Variants in YPEL5 observed in about 807,000 individuals in gnomAD.
YPEL5 encodes yippee like 5, also known as protein yippee-like 5.
Under a neutral mutation model 10.5 loss-of-function variants are expected in YPEL5, and 1 was observed. The observed-to-expected ratio is 0.10, with a 90% CI of 0.03 to 0.45. YPEL5 has a LOEUF of 0.45. YPEL5 is among the 20% of genes least tolerant of loss of function. The probability of loss-of-function intolerance (pLI) is 0.97; values close to 1 mark genes in which losing one functional copy is unlikely to be tolerated. For missense variants in YPEL5, 68 were observed against 159.3 expected, an observed-to-expected ratio of 0.43 and a Z score of 3.09; for synonymous variants, 61 against 56.6, an observed-to-expected ratio of 1.08 and a Z score of -0.35.
rs114869731 is a variant in YPEL5, at chr2:30,154,292, G to A, written c.-24-2336G>A. On this transcript the variant is annotated intron_variant, in intron 1 of 2. Transcript: ENST00000261353. ...GTTAATGATCAAGATTCAGAAACAT[G>A]ACCAAACTTAACTGCTCACAGGTTT... is the stretch of plus-strand genomic sequence containing the variant. Among the ~76,000 whole-genome samples the A allele has an allele frequency of 3.2e-3, 488 of 152,306 alleles. 5 individuals are homozygous for A. The highest frequency in any genetic ancestry group is 0.011 in the African/African-American group (463 of 41,576).
intron 1 of YPEL5, among the ~76,000 whole-genome samples, chr2:30,155,040 A>G (rs1675977610): frequency 6.6e-6 from 1 of 152,212 alleles, no homozygotes; most frequent in African/African-American, 2.4e-5. Context: ...CACCTGGCCA[A>G]GTGTTGTATT....
intron 1 of YPEL5, among the ~76,000 whole-genome samples, chr2:30,149,900 A>C (rs1016686293): frequency 2.6e-5 from 4 of 152,224 alleles, no homozygotes; most frequent in Admixed American, 2.6e-4. Flanking sequence ...TTACTAAGGA[A>C]AAGTTTATCT....
chr2:30,147,319 G>A (rs1675465341), intron 1 of YPEL5, among the ~76,000 whole-genome samples: 1 of 149,898 alleles, frequency 6.7e-6, no homozygotes, highest in South Asian at 2.1e-4. Context: ...GCCGCCGTCG[G>A]CCCGCCCCCG....
intron 1 of YPEL5, among the ~76,000 whole-genome samples, chr2:30,150,430 A>G (rs1675729881): frequency 6.6e-6 from 1 of 152,206 alleles, no homozygotes; most frequent in South Asian, 2.1e-4. Context: ...AGTGTTTCCA[A>G]AGCTATTAAG....
intron 1 of YPEL5, among the ~76,000 whole-genome samples, chr2:30,148,952 G>T (rs1252532646): frequency 1.3e-5 from 2 of 152,202 alleles, no homozygotes; most frequent in Non-Finnish European, 2.9e-5. Context: ...ATAATCCTGT[G>T]TAGTAATGTC....
chr2:30,154,188 T>C (rs973504823), intron 1 of YPEL5, among the ~76,000 whole-genome samples: 1 of 152,210 alleles, frequency 6.6e-6, no homozygotes, highest in Admixed American at 6.5e-5. Context: ...GCACAAATAC[T>C]AGTCTTCAAA....
chr2:30,155,832 C>G (rs1676015141), intron 1 of YPEL5: 1 of 152,198 alleles, frequency 6.6e-6, no homozygotes, highest in South Asian at 2.1e-4. Context: ...TTCCCTTATT[C>G]TGTTCTCATT....
chr2:30,150,177 T>C (rs893266920), intron 1 of YPEL5, among the ~76,000 whole-genome samples: 3 of 152,246 alleles, frequency 2.0e-5, no homozygotes, highest in Non-Finnish European at 4.4e-5. Context: ...TAGCAGGAAG[T>C]GAAGCCAGTT....
rs1008375401 is a variant in YPEL5, at chr2:30,160,162, T to C, written c.*1319T>C. ...AAAATTGGCTAATTATTTGAATGAA[T>C]GAATGGATGGATGTTTTGCATGCTC... On this transcript the variant is annotated 3_prime_UTR_variant, in exon 3 of 3. Coordinates refer to ENST00000261353, the MANE Select transcript of YPEL5 (RefSeq NM_016061.3). 4.6e-5 allele frequency: 7 copies of C among 152,650 alleles called. No homozygotes were observed. Among genetic ancestry groups the C allele is most frequent in the Non-Finnish European group, 8.8e-5 (6 of 68,030 alleles). 9.5% of individuals were successfully genotyped at this position (152,650 alleles called of 1,614,324 possible).
At position 30,147,052 on chromosome 2, in the gene YPEL5, C is replaced by A. The variant is rs972633279; in HGVS notation, c.-35C>A. On this transcript the variant is annotated 5_prime_UTR_variant, in exon 1 of 3. Transcript: ENST00000261353. ...AGCCGCTGGCAGCCGCGGATCTCACCGCCGCTCAGGGTGAGTCCCGCGGGA... is the reference window on the plus strand; with the variant it reads ...AGCCGCTGGCAGCCGCGGATCTCACAGCCGCTCAGGGTGAGTCCCGCGGGA... The A allele has an allele frequency of 8.5e-5, 13 of 152,450 alleles. No homozygotes were observed. The highest frequency in any genetic ancestry group is 7.2e-4 in the Admixed American group (11 of 15,290). The allele number at this position is 152,450 out of a possible 1,614,324, so 9.4% of individuals were successfully genotyped here. A position where few individuals can be genotyped will look rare whatever the true frequency, so the allele number is the denominator to read the frequency against.
intron 1 of YPEL5, among the ~76,000 whole-genome samples, chr2:30,152,885 C>CCT (rs1675868812): frequency 7.3e-6 from 1 of 136,954 alleles, no homozygotes; most frequent in African/African-American, 2.8e-5. Flanking sequence ...TAATGACTGT[C>CCT]CTTTGTTTTT....
At chr2:30,156,010 G>A (rs1274347276) in intron 1 of YPEL5, 1 of 152,286 alleles carries the variant, frequency 6.6e-6, no homozygotes. Context: ...TGAAGTGATG[G>A]TAACAACCTC....
At chr2:30,149,740 A>T (rs973941440) in intron 1 of YPEL5, among the ~76,000 whole-genome samples, 4 of 152,236 alleles carry the variant, frequency 2.6e-5, no homozygotes, top group African/African-American at 9.6e-5. Flanking sequence ...TCTGCGCTAG[A>T]TGCCTGCATA....
In YPEL5 at chr2:30,159,954, G is replaced by C. The variant is rs1223500220; in HGVS notation, c.*1111G>C. 6.6e-6 allele frequency: 1 copy of C among 152,546 alleles called. No homozygotes were observed. The highest frequency in any genetic ancestry group is 2.4e-5 in the African/African-American group (1 of 41,422). 9.4% of individuals were successfully genotyped at this position (152,546 alleles called of 1,614,324 possible). On this transcript the variant is annotated 3_prime_UTR_variant, in exon 3 of 3. Transcript: ENST00000261353. ...AGCATTTTTTTCAGCTCTTCTCTCA[G>C]AAGTTCAGCTGTTGAAACGAAAACT...
chr2:30,151,047 G>A (rs1675763882), intron 1 of YPEL5, among the ~76,000 whole-genome samples: 2 of 152,108 alleles, frequency 1.3e-5, no homozygotes, highest in African/African-American at 4.8e-5. Flanking sequence ...AACAGGTGGC[G>A]AGCTGAATTG....
Position 30,159,830 on chromosome 2 carries a change from T to A in YPEL5, c.*987T>A, listed in dbSNP as rs1676206694. On this transcript the variant is annotated 3_prime_UTR_variant, in exon 3 of 3. Coordinates refer to ENST00000261353, the MANE Select transcript of YPEL5 (RefSeq NM_016061.3). ...AAGCAACTTGTCTAAAAATACTGCT[T>A]TACAAAGCATTTCAGCCTTTCCCCC... 1 of 152,354 alleles carries A rather than the reference T, an allele frequency of 6.6e-6. No homozygotes were observed. Among genetic ancestry groups the A allele is most frequent in the African/African-American group, 2.4e-5 (1 of 41,454 alleles). 9.4% of individuals were successfully genotyped at this position (152,354 alleles called of 1,614,324 possible).
rs1427028761 is a variant in YPEL5, at chr2:30,159,893, C to A, written c.*1050C>A. 1 of 152,484 alleles carries A rather than the reference C, an allele frequency of 6.6e-6. No individual in the cohort carries two copies. Among genetic ancestry groups the A allele is most frequent in the Non-Finnish European group, 1.5e-5 (1 of 68,012 alleles). 9.4% of individuals were successfully genotyped at this position (152,484 alleles called of 1,614,324 possible). A position where few individuals can be genotyped will look rare whatever the true frequency, so the allele number is the denominator to read the frequency against. ...TGATTTTTTGACAAGTCTGTAGAGC[C>A]TAATAGTTTCCATCAAAGGCCTAGA... On this transcript the variant is annotated 3_prime_UTR_variant, in exon 3 of 3. Transcript: ENST00000261353.
chr2:30,147,424 C>A (rs1168710223), intron 1 of YPEL5: 1 of 148,552 alleles, frequency 6.7e-6, no homozygotes, highest in Non-Finnish European at 1.5e-5. Context: ...CTCCGAGGCC[C>A]GCCGCCGAGG....
chr2:30,156,545 A>G, intron 1 of YPEL5, 83 bp from the exon 2 acceptor site: 2 of 1,291,726 alleles, frequency 1.5e-6, no homozygotes, highest in East Asian at 2.3e-5. Context: ...ATACGTATAC[A>G]AATTGTTCTC....
Sources: gnomAD v4.1 joint callset for allele counts (sites outside exome capture counted in the v4.1 genomes callset) on GRCh38, gnomAD v4.1.1 for gene constraint, MANE v1.5 for transcripts, NCBI Gene and HGNC (gene_info 2026-07-23, HGNC 2026-07-21) for gene names.